The following PRDM5 variants were observed in gnomAD, a reference collection of about 807,000 sequenced individuals.
The protein encoded by PRDM5 is PR domain zinc finger protein 5.
Under a neutral mutation model 81.2 loss-of-function variants are expected in PRDM5, and 56 were observed. That is an observed-to-expected ratio of 0.69 (90% CI 0.56 to 0.86). The LOEUF is 0.86. Ranked by LOEUF, PRDM5 falls within the 40% of genes least tolerant of loss-of-function variation. The pLI is 0.00. For synonymous variants in PRDM5, 267 were observed against 256.4 expected, an observed-to-expected ratio of 1.04 and a Z score of -0.39; for missense variants, 697 against 770.1, an observed-to-expected ratio of 0.91 and a Z score of 1.12.
At chr4:120,698,997 T>C (rs1431897698) in intron 15 of PRDM5, among the ~76,000 whole-genome samples, 3 of 151,634 alleles carry the variant, frequency 2.0e-5, no homozygotes, top group Non-Finnish European at 4.4e-5. Flanking sequence ...TTATATATTA[T>C]ATTAAAGACA....
At chr4:120,816,295 T>C (rs549062354) in intron 7 of PRDM5, 158 bp downstream of exon 7, 2 of 1,082,606 alleles carry the variant, frequency 1.8e-6, no homozygotes, top group African/African-American at 1.6e-5. Flanking sequence ...AAAGAAATAG[T>C]GTTCAGTGAA....
chr4:120,732,831 A>T (rs1258046654), intron 14 of PRDM5, among the ~76,000 whole-genome samples: 1 of 152,152 alleles, frequency 6.6e-6, no homozygotes, highest in Non-Finnish European at 1.5e-5. Context: ...CGATATTTTG[A>T]CTTAAATTCC....
chr4:120,877,298 A>G (rs1230143293), intron 2 of PRDM5, among the ~76,000 whole-genome samples: 1 of 152,242 alleles, frequency 6.6e-6, no homozygotes, highest in Non-Finnish European at 1.5e-5. Context: ...CGTATTTCTG[A>G]CCATGGCTAT....
intron 13 of PRDM5, among the ~76,000 whole-genome samples, chr4:120,767,208 C>T (rs1238416941): frequency 6.6e-6 from 1 of 152,068 alleles, no homozygotes; most frequent in African/African-American, 2.4e-5. Flanking sequence ...AATCCAATAG[C>T]TAATTTATCA....
At chr4:120,863,429 G>A (rs1014184574) in intron 2 of PRDM5, among the ~76,000 whole-genome samples, 2 of 151,938 alleles carry the variant, frequency 1.3e-5, no homozygotes, top group African/African-American at 2.4e-5. Flanking sequence ...AAAAAATCAA[G>A]TGTTGGGGCA....
At chr4:120,783,097 AG>A (rs1380672811) in intron 11 of PRDM5, among the ~76,000 whole-genome samples, 1 of 152,244 alleles carries the variant, frequency 6.6e-6, no homozygotes, top group East Asian at 1.9e-4. Context: ...TCACATTTTG[AG>A]CCAGAAAGCT....
intron 3 of PRDM5, among the ~76,000 whole-genome samples, chr4:120,848,610 T>C (rs1025592152): frequency 7.9e-5 from 12 of 152,198 alleles, no homozygotes; most frequent in Admixed American, 6.5e-4. Context: ...CAGTAAGCAT[T>C]CAGTAAGTGT....
intron 3 of PRDM5, among the ~76,000 whole-genome samples, chr4:120,829,097 G>A (rs1380881589): frequency 6.6e-6 from 1 of 152,046 alleles, no homozygotes; most frequent in Admixed American, 6.6e-5. Context: ...GCAAAGCATG[G>A]TATGGAATTA....
intron 14 of PRDM5, among the ~76,000 whole-genome samples, chr4:120,712,945 G>A (rs36003774): frequency 0.17 from 25,272 of 152,152 alleles, 2,663 homozygotes; most frequent in Non-Finnish European, 0.24. Flanking sequence ...ATAGGTGAAA[G>A]CAATTCTCTA....
intron 1 of PRDM5, among the ~76,000 whole-genome samples, chr4:120,917,375 C>A (rs1318494737): frequency 6.6e-6 from 1 of 152,160 alleles, no homozygotes; most frequent in Non-Finnish European, 1.5e-5. Context: ...GCATCCCACA[C>A]ACACACCCAC....
downstream of PRDM5, among the ~76,000 whole-genome samples, chr4:120,690,648 A>G (rs1020726040): frequency 6.6e-6 from 1 of 152,300 alleles, no homozygotes; most frequent in East Asian, 1.9e-4. Context: ...GACAAAATCA[A>G]AAAATAGTAA....
intron 14 of PRDM5, among the ~76,000 whole-genome samples, chr4:120,752,916 T>A (rs1184002604): frequency 6.6e-6 from 1 of 152,228 alleles, no homozygotes; most frequent in Admixed American, 6.5e-5. Flanking sequence ...TTATTCATCT[T>A]AACTATCTGT....
intron 3 of PRDM5, among the ~76,000 whole-genome samples, chr4:120,824,857 T>C (rs2149355603): frequency 6.6e-6 from 1 of 152,308 alleles, no homozygotes; most frequent in East Asian, 1.9e-4. Flanking sequence ...AAGAAAATAA[T>C]ATGTAAACAA....
intron 4 of PRDM5, 27 bp downstream of exon 4, chr4:120,821,144 C>T: frequency 1.2e-6 from 2 of 1,609,884 alleles, no homozygotes; most frequent in South Asian, 1.1e-5. Context: ...TTTTCTTCTC[C>T]CAGATCACCA....
At chr4:120,697,469 G>A (rs1734654670) in intron 15 of PRDM5, among the ~76,000 whole-genome samples, 1 of 151,280 alleles carries the variant, frequency 6.6e-6, no homozygotes, top group African/African-American at 2.4e-5. Flanking sequence ...TATTCATTTT[G>A]ATATAATCAG....
chr4:120,836,416 T>G (rs1207715069), intron 3 of PRDM5, among the ~76,000 whole-genome samples: 3 of 152,184 alleles, frequency 2.0e-5, no homozygotes, highest in Admixed American at 6.5e-5. Flanking sequence ...CTTGGTCTTT[T>G]TACTAAGATC....
downstream of PRDM5, among the ~76,000 whole-genome samples, chr4:120,689,446 G>T (rs1029172306): frequency 3.3e-5 from 5 of 151,884 alleles, no homozygotes; most frequent in Non-Finnish European, 7.4e-5. Flanking sequence ...CACTGTGTTT[G>T]TCAGGTGGAA....
At chr4:120,884,035 G>A (rs1763137433) in intron 2 of PRDM5, among the ~76,000 whole-genome samples, 2 of 152,004 alleles carry the variant, frequency 1.3e-5, no homozygotes, top group East Asian at 3.8e-4. Flanking sequence ...ATTCACAAAT[G>A]CCCCCTGCAT....
At position 120,912,519 on chromosome 4, in the gene PRDM5, G is replaced by C. The variant is rs1413360782; in HGVS notation, c.94-4962C>G. On this transcript the variant is annotated intron_variant, in intron 1 of 15. Transcript: ENST00000264808. Reference sequence around the variant, plus strand: ...TAAAAAGGGGGAGGGAGGGATTAAAGAGATATTTAATAGACATAACTAAAT... The same window carrying C: ...TAAAAAGGGGGAGGGAGGGATTAAACAGATATTTAATAGACATAACTAAAT... 2.0e-5 allele frequency among the ~76,000 whole-genome samples: 3 copies of C among 152,140 alleles called. No homozygotes were observed. The East Asian group carries it at 5.8e-4, about 29-fold the overall frequency.
Sources: allele counts gnomAD v4.1 joint callset (sites outside exome capture counted in the v4.1 genomes callset), GRCh38; gene constraint gnomAD v4.1.1; transcripts MANE v1.5; gene names NCBI Gene and HGNC (gene_info 2026-07-23, HGNC 2026-07-21).